INPP4B: variants seen among roughly 807,000 people sequenced by gnomAD.
INPP4B encodes the protein inositol polyphosphate-4-phosphatase type II B.
Under a neutral mutation model 122.5 loss-of-function variants are expected in INPP4B, and 55 were observed. The ratio of observed to expected loss-of-function variants is 0.45; its 90% CI spans 0.36 to 0.56. The LOEUF is 0.56. Among genes scored for constraint, INPP4B ranks in the 20% least tolerant of loss-of-function variants. The pLI is 0.00. For missense variants in INPP4B, 1,000 were observed against 1,097.7 expected (o/e 0.91, Z 1.26); for synonymous variants, 403 against 388.7 (o/e 1.04, Z -0.43).
intron 18 of INPP4B, among the ~76,000 whole-genome samples, chr4:142,134,484 TA>T (rs1485887313): frequency 2.6e-5 from 4 of 152,264 alleles, no homozygotes; most frequent in African/African-American, 9.6e-5. Flanking sequence ...AGGCTTACAA[TA>T]AAAATGTACT....
Position 142,793,018 on chromosome 4 carries a change from C to T in INPP4B, c.-254+53191G>A, listed in dbSNP as rs569314968. 2.6e-5 allele frequency among the ~76,000 whole-genome samples: 4 copies of T among 152,020 alleles called. No individual in the cohort carries two copies. In the South Asian group the frequency reaches 6.2e-4, roughly 24 times the overall value. Reference sequence around the variant, plus strand: ...ACCCAACATCCATTCCATCGAAATACTCATCTTCTAAGTCTTTGACTATCC... The same window carrying T: ...ACCCAACATCCATTCCATCGAAATATTCATCTTCTAAGTCTTTGACTATCC... On this transcript the variant is annotated intron_variant, in intron 1 of 25. Transcript: ENST00000262992.
At chr4:142,802,758 C>T in intron 1 of INPP4B, among the ~76,000 whole-genome samples, 1 of 151,594 alleles carries the variant, frequency 6.6e-6, no homozygotes. Flanking sequence ...ATGAGTTTTT[C>T]CTCTTTCAGT....
chr4:142,631,631 T>C (rs1337269119), intron 2 of INPP4B, among the ~76,000 whole-genome samples: 1 of 152,002 alleles, frequency 6.6e-6, no homozygotes, highest in African/African-American at 2.4e-5. Context: ...AATCTACATC[T>C]AAATACATCA....
intron 12 of INPP4B, among the ~76,000 whole-genome samples, chr4:142,234,457 T>C (rs1306474945): frequency 2.0e-5 from 3 of 152,214 alleles, no homozygotes; most frequent in African/African-American, 7.2e-5. Flanking sequence ...TGTTTTACAA[T>C]AACTGTATCT....
chr4:142,553,433 T>C (rs1343475379), intron 2 of INPP4B, among the ~76,000 whole-genome samples: 1 of 152,224 alleles, frequency 6.6e-6, no homozygotes, highest in Non-Finnish European at 1.5e-5. Context: ...GTAGAAAAGA[T>C]TGCTTTCTAT....
intron 2 of INPP4B, among the ~76,000 whole-genome samples, chr4:142,666,088 T>C (rs1442062641): frequency 2.6e-5 from 4 of 152,152 alleles, no homozygotes; most frequent in African/African-American, 9.7e-5. Context: ...AAACTGCAAA[T>C]TGCAAAATCA....
chr4:142,671,354 G>T (rs1756964789), intron 2 of INPP4B, among the ~76,000 whole-genome samples: 1 of 152,092 alleles, frequency 6.6e-6, no homozygotes, highest in South Asian at 2.1e-4. Flanking sequence ...ACTTTCCTTT[G>T]CAGCCTTCAT....
At chr4:142,184,859 G>A (rs907439210) in intron 15 of INPP4B, among the ~76,000 whole-genome samples, 1 of 152,136 alleles carries the variant, frequency 6.6e-6, no homozygotes, top group Non-Finnish European at 1.5e-5. Context: ...TGAAGCTGGA[G>A]AAGAAACCAT....
rs146187253 is a variant in INPP4B, at chr4:142,230,592, G to A, written c.836+7272C>T. Reference sequence around the variant, plus strand: ...CCAGGAGGCGAGGTTTTGGTGAGCCGAGATCACACCATTGCACTCCAGCCT... The same window carrying A: ...CCAGGAGGCGAGGTTTTGGTGAGCCAAGATCACACCATTGCACTCCAGCCT... On this transcript the variant is annotated intron_variant, in intron 12 of 25. Coordinates refer to ENST00000262992, the MANE Select transcript of INPP4B (RefSeq NM_001101669.3). Among the ~76,000 whole-genome samples the A allele has an allele frequency of 7.6e-4, 102 of 134,922 alleles. 1 individual carries two copies. The East Asian group carries it at 0.02, about 26-fold the overall frequency. The allele number at this position is 134,922 out of a possible 152,430, so 88.5% of individuals were successfully genotyped here. A position where few individuals can be genotyped will look rare whatever the true frequency, so the allele number is the denominator to read the frequency against.
chr4:142,326,604 A>C (rs1181499373), intron 7 of INPP4B, among the ~76,000 whole-genome samples: 1 of 152,178 alleles, frequency 6.6e-6, no homozygotes, highest in Non-Finnish European at 1.5e-5. Context: ...TCAATAAGCA[A>C]AAATAATTGT....
chr4:142,114,327 T>C (rs1791828079), intron 21 of INPP4B, among the ~76,000 whole-genome samples: 1 of 152,060 alleles, frequency 6.6e-6, no homozygotes, highest in South Asian at 2.1e-4. Flanking sequence ...GGGGTAAGTC[T>C]AAAAGTCATA....
intron 25 of INPP4B, among the ~76,000 whole-genome samples, chr4:142,080,820 C>A (rs1773539367): frequency 6.6e-6 from 1 of 152,110 alleles, no homozygotes; most frequent in African/African-American, 2.4e-5. Flanking sequence ...ACCTTTGTTC[C>A]ATCTATAGTG....
intron 2 of INPP4B, among the ~76,000 whole-genome samples, chr4:142,549,604 G>A (rs10013367): frequency 0.59 from 89,970 of 151,990 alleles, 28,096 homozygotes; most frequent in Non-Finnish European, 0.7. Flanking sequence ...ATCATATATT[G>A]AAAATAAGTA....
At chr4:142,300,256 T>C (rs1760823046) in intron 9 of INPP4B, among the ~76,000 whole-genome samples, 1 of 152,164 alleles carries the variant, frequency 6.6e-6, no homozygotes, top group Non-Finnish European at 1.5e-5. Flanking sequence ...CTAGCAGTTT[T>C]ATCTTTTTAT....
intron 15 of INPP4B, among the ~76,000 whole-genome samples, chr4:142,192,228 G>T (rs916950330): frequency 6.7e-6 from 1 of 149,140 alleles, no homozygotes; most frequent in Non-Finnish European, 1.5e-5. Context: ...TTATTACTTC[G>T]GTGGCAAAAT....
intron 2 of INPP4B, among the ~76,000 whole-genome samples, chr4:142,646,177 T>C (rs1181281247): frequency 6.6e-6 from 1 of 152,202 alleles, no homozygotes; most frequent in Non-Finnish European, 1.5e-5. Context: ...ATTTTTAATG[T>C]TGGTGCATTT....
chr4:142,080,157 C>A (rs1031698297), intron 25 of INPP4B, among the ~76,000 whole-genome samples: 1 of 151,984 alleles, frequency 6.6e-6, no homozygotes, highest in Non-Finnish European at 1.5e-5. Context: ...CACTAAGAGG[C>A]AGTGAGAGAC....
rs533492518 is a variant in INPP4B, at chr4:142,654,015, A to G, written c.-191+71824T>C. Among the ~76,000 whole-genome samples the G allele has an allele frequency of 5.9e-3, 897 of 152,314 alleles. 7 individuals are homozygous for G. The highest frequency in any genetic ancestry group is 9.8e-3 in the Non-Finnish European group (667 of 68,032). On this transcript the variant is annotated intron_variant, in intron 2 of 25. Coordinates refer to ENST00000262992, the MANE Select transcript of INPP4B (RefSeq NM_001101669.3). The stretch of plus-strand genomic sequence containing the variant: ...ACTGGATTAAGAAAATGTGGCACAT[A>G]TACACCATGGAATACTATGCAGCCA...
At chr4:142,330,764 G>T (rs990161272) in intron 7 of INPP4B, among the ~76,000 whole-genome samples, 5 of 152,134 alleles carry the variant, frequency 3.3e-5, no homozygotes, top group Non-Finnish European at 7.4e-5. Context: ...GAATGTATTT[G>T]TCATTTATAA....
Sources: allele counts gnomAD v4.1 joint callset (sites outside exome capture counted in the v4.1 genomes callset), GRCh38; gene constraint gnomAD v4.1.1; transcripts MANE v1.5; gene names NCBI Gene and HGNC (gene_info 2026-07-23, HGNC 2026-07-21).